PRKG1: variants seen among roughly 807,000 people sequenced by gnomAD.
PRKG1 encodes the protein cGMP-dependent protein kinase 1.
A neutral mutation model predicts 88.1 loss-of-function variants in PRKG1; 35 were observed. The ratio of observed to expected loss-of-function variants is 0.40; its 90% CI spans 0.30 to 0.53. The LOEUF (loss-of-function observed/expected upper bound fraction) is 0.53, where lower values mean the gene tolerates loss of function less well. Among genes scored for constraint, PRKG1 ranks in the 20% least tolerant of loss-of-function variants. PRKG1 has a pLI of 0.59. For missense variants in PRKG1, 540 were observed against 839.8 expected, an observed-to-expected ratio of 0.64 and a Z score of 4.41; for synonymous variants, 303 against 292.5, an observed-to-expected ratio of 1.04 and a Z score of -0.37.
intron 3 of PRKG1, among the ~76,000 whole-genome samples, chr10:51,617,533 T>A (rs1161479500): frequency 6.6e-6 from 1 of 152,162 alleles, no homozygotes; most frequent in African/African-American, 2.4e-5. Context: ...CAGCATGCAC[T>A]GTTGTACCTT....
chr10:52,051,987 G>A (rs1469090820), intron 5 of PRKG1, among the ~76,000 whole-genome samples: 3 of 152,044 alleles, frequency 2.0e-5, no homozygotes, highest in African/African-American at 7.2e-5. Flanking sequence ...CTCCTCTCCC[G>A]CTTGTCCCAA....
intron 4 of PRKG1, among the ~76,000 whole-genome samples, chr10:51,830,548 G>GTTTTTTTT (rs1022530024): frequency 8.6e-6 from 1 of 116,220 alleles, no homozygotes; most frequent in African/African-American, 2.9e-5. Flanking sequence ...CTCTTAAAGT[G>GTTTTTTTT]TTTTTTTTTT....
At chr10:52,136,520 A>T (rs1837427835) in intron 8 of PRKG1, among the ~76,000 whole-genome samples, 1 of 152,036 alleles carries the variant, frequency 6.6e-6, no homozygotes, top group Non-Finnish European at 1.5e-5. Context: ...ACCTAGGCAT[A>T]TACAGTGTAC....
At chr10:51,148,815 C>T (rs1413461457) in intron 1 of PRKG1, among the ~76,000 whole-genome samples, 2 of 152,106 alleles carry the variant, frequency 1.3e-5, no homozygotes, top group African/African-American at 4.8e-5. Flanking sequence ...AAATCCACAA[C>T]AGAAAACCTC....
At chr10:51,355,993 T>C (rs1267225846) in intron 2 of PRKG1, among the ~76,000 whole-genome samples, 3 of 152,016 alleles carry the variant, frequency 2.0e-5, no homozygotes, top group African/African-American at 7.2e-5. Context: ...CTTCTTTATA[T>C]AGACAGATCC....
At chr10:51,126,270 T>C (rs1845411362) in intron 1 of PRKG1, among the ~76,000 whole-genome samples, 1 of 115,370 alleles carries the variant, frequency 8.7e-6, no homozygotes. Context: ...TATTTATTTA[T>C]AATTATTTAT....
intron 7 of PRKG1, among the ~76,000 whole-genome samples, chr10:52,131,404 A>G (rs1051758652): frequency 5.3e-5 from 8 of 152,152 alleles, no homozygotes; most frequent in African/African-American, 1.2e-4. Context: ...AACCTGGTCA[A>G]TTCATGATGG....
chr10:51,845,533 A>C (rs1489990541), intron 4 of PRKG1, among the ~76,000 whole-genome samples: 2 of 152,176 alleles, frequency 1.3e-5, no homozygotes, highest in Non-Finnish European at 2.9e-5. Flanking sequence ...GTGGACATTA[A>C]ATTGATAGCC....
intron 2 of PRKG1, among the ~76,000 whole-genome samples, chr10:51,280,905 C>A (rs183483449): frequency 6.6e-6 from 1 of 152,230 alleles, no homozygotes. Flanking sequence ...CCATTGCTGG[C>A]GAGGAGCTGC....
chr10:51,219,929 T>C (rs1453398779), intron 2 of PRKG1, among the ~76,000 whole-genome samples: 2 of 152,050 alleles, frequency 1.3e-5, no homozygotes, highest in African/African-American at 2.4e-5. Flanking sequence ...TATGATGTGA[T>C]CTCGCTCCCC....
At chr10:51,497,426 C>T (rs1344788750) in intron 3 of PRKG1, among the ~76,000 whole-genome samples, 3 of 152,058 alleles carry the variant, frequency 2.0e-5, no homozygotes, top group Admixed American at 6.6e-5. Context: ...GGCCCTTCTG[C>T]AGCTTGTAGT....
intron 17 of PRKG1, among the ~76,000 whole-genome samples, chr10:52,293,433 A>G (rs551710624): frequency 6.6e-6 from 1 of 152,154 alleles, no homozygotes; most frequent in East Asian, 1.9e-4. Flanking sequence ...TATGGAACCA[A>G]AAAAGAGCCT....
intron 2 of PRKG1, among the ~76,000 whole-genome samples, chr10:51,456,957 G>T (rs1186770579): frequency 2.0e-5 from 3 of 152,160 alleles, no homozygotes; most frequent in Non-Finnish European, 4.4e-5. Flanking sequence ...CATGGATGTG[G>T]TGAAAAGGCA....
At position 52,203,541 on chromosome 10, in the gene PRKG1, G is replaced by A. The variant is rs140927130; in HGVS notation, c.1076+41578G>A. Among the ~76,000 whole-genome samples, 829 of 152,242 alleles carry A rather than the reference G, an allele frequency of 5.4e-3. 4 individuals carry two copies. The highest frequency in any genetic ancestry group is 0.017 in the African/African-American group (704 of 41,556). ...GGTAGATGTCTGTTAGGTTTATTTC[G>A]TCAAGGGTTGAGTTCAGGTCCCGAA... On this transcript the variant is annotated intron_variant, in intron 9 of 17. Coordinates refer to ENST00000373980, the MANE Select transcript of PRKG1 (RefSeq NM_006258.4).
At chr10:52,040,832 CTTTTT>C (rs11312625) in intron 5 of PRKG1, among the ~76,000 whole-genome samples, 1 of 85,238 alleles carries the variant, frequency 1.2e-5, no homozygotes, top group Non-Finnish European at 2.1e-5. Context: ...AATGGCTTTT[CTTTTT>C]TTTTTTTTTT....
intron 3 of PRKG1, among the ~76,000 whole-genome samples, chr10:51,639,270 T>C (rs1345093877): frequency 1.3e-5 from 2 of 151,028 alleles, no homozygotes; most frequent in Non-Finnish European, 3.0e-5. Flanking sequence ...TTGTCTCTAC[T>C]AAAAATGCAA....
chr10:51,650,613 T>C (rs1291899106), intron 3 of PRKG1, among the ~76,000 whole-genome samples: 2 of 152,246 alleles, frequency 1.3e-5, no homozygotes, highest in Non-Finnish European at 2.9e-5. Context: ...TTTAATCATG[T>C]AACATAACAT....
intron 7 of PRKG1, among the ~76,000 whole-genome samples, chr10:52,116,474 C>G (rs768783475): frequency 3.9e-5 from 6 of 152,090 alleles, no homozygotes; most frequent in Admixed American, 6.6e-5. Flanking sequence ...AGGTTTCAGA[C>G]TAGAGATTAA....
At chr10:51,927,504 G>A (rs974989240) in intron 5 of PRKG1, among the ~76,000 whole-genome samples, 1 of 152,144 alleles carries the variant, frequency 6.6e-6, no homozygotes, top group Non-Finnish European at 1.5e-5. Flanking sequence ...AAACCTGCAC[G>A]TTAAATAGTA....
Sources: allele counts gnomAD v4.1 joint callset (sites outside exome capture counted in the v4.1 genomes callset), GRCh38; gene constraint gnomAD v4.1.1; transcripts MANE v1.5; gene names NCBI Gene and HGNC (gene_info 2026-07-23, HGNC 2026-07-21).